Variants in ABCC1 observed in about 807,000 individuals in gnomAD.
The protein encoded by ABCC1 is multidrug resistance-associated protein 1.
ABCC1 carries 83 observed loss-of-function variants against 172.9 expected under a neutral mutation model. That is an observed-to-expected ratio of 0.48 (90% CI 0.40 to 0.58). The LOEUF is 0.58. Ranked by LOEUF, ABCC1 falls within the 20% of genes least tolerant of loss-of-function variation. The pLI is 0.00. For missense variants in ABCC1, 1,817 were observed against 2,002.7 expected, an observed-to-expected ratio of 0.91 and a Z score of 1.77; for synonymous variants, 937 against 825.2, an observed-to-expected ratio of 1.14 and a Z score of -2.32.
chr16:16,045,880 A>T lies in ABCC1; in HGVS notation c.1085A>T (p.Gln362Leu). ...AATGACACGAAGGCCCCAGACTGGC[A>T]GGGCTACTTCTACACCGTGCTGCTG... ...FVNDTKAPDW[Q>L]GYFYTVLLFV... Residue 362 changes from glutamine to leucine, a missense_variant, in exon 9 of 31, where the codon CAG (glutamine) becomes CTG (leucine). Coordinates refer to ENST00000399410, the MANE Select transcript of ABCC1 (RefSeq NM_004996.4). The T allele has an allele frequency of 1.2e-6, 2 of 1,614,158 alleles. No individual in the cohort carries two copies. The highest frequency in any genetic ancestry group is 1.7e-6 in the Non-Finnish European group (2 of 1,180,018).
intron 24 of ABCC1, among the ~76,000 whole-genome samples, chr16:16,122,404 C>T (rs1257391173): frequency 6.6e-6 from 1 of 152,184 alleles, no homozygotes; most frequent in African/African-American, 2.4e-5. Flanking sequence ...CACAGCTCTT[C>T]TGGAGTCAGA....
chr16:16,046,039 G>A, intron 9 of ABCC1, 26 bp downstream of exon 9: 1 of 1,611,176 alleles, frequency 6.2e-7, no homozygotes, highest in Non-Finnish European at 8.5e-7. Context: ...CCATTGGCAT[G>A]TGGCCCGACT....
At chr16:16,140,229 G>C (rs2046077163) in intron 30 of ABCC1, among the ~76,000 whole-genome samples, 2 of 152,210 alleles carry the variant, frequency 1.3e-5, no homozygotes, top group South Asian at 4.1e-4. Flanking sequence ...AGGCCAGAAA[G>C]GTAGGCAGGG....
chr16:16,086,665 C>G (rs990309603), intron 17 of ABCC1, among the ~76,000 whole-genome samples, 159 bp from the exon 18 acceptor site: 2 of 152,092 alleles, frequency 1.3e-5, no homozygotes, highest in Admixed American at 6.6e-5. Context: ...GACAGGGTCT[C>G]CCTATATTGC....
At chr16:15,958,969 T>C (rs1040952836) in intron 1 of ABCC1, among the ~76,000 whole-genome samples, 5 of 152,176 alleles carry the variant, frequency 3.3e-5, no homozygotes, top group African/African-American at 1.2e-4. Flanking sequence ...CTCCTCTTGT[T>C]GTGACAACCG....
intron 5 of ABCC1, among the ~76,000 whole-genome samples, chr16:16,021,483 G>T (rs1465451142): frequency 1.3e-5 from 2 of 152,072 alleles, no homozygotes; most frequent in African/African-American, 2.4e-5. Context: ...TTGGGAGGCC[G>T]AGGCAGGTAG....
At chr16:15,999,780 T>C (rs866741582) in intron 1 of ABCC1, among the ~76,000 whole-genome samples, 47 of 26,672 alleles carry the variant, frequency 1.8e-3, no homozygotes, top group Non-Finnish European at 3.6e-3. Context: ...TCTCTCTCTC[T>C]CTCTCTCTCT....
rs148834444 is a variant in ABCC1 at position 15,982,803 on chromosome 16, C to CAAAAAAAAA, written c.49-25000_49-24992dup. ...TCTGGGCAACAGAGTGAGACGCTGT[C>CAAAAAAAAA]AAAAAAAAAAAAAAAAAAAAAGGAA... is the stretch of plus-strand genomic sequence containing the variant. On this transcript the variant is annotated intron_variant, in intron 1 of 30. Coordinates refer to ENST00000399410, the MANE Select transcript of ABCC1 (RefSeq NM_004996.4). 7.7e-3 allele frequency among the ~76,000 whole-genome samples: 334 copies of CAAAAAAAAA among 43,196 alleles called. 26 individuals are homozygous for CAAAAAAAAA. Among genetic ancestry groups the CAAAAAAAAA allele is most frequent in the African/African-American group, 0.026 (307 of 11,916 alleles). The allele number at this position is 43,196 out of a possible 152,430, so 28.3% of individuals were successfully genotyped here.
chr16:16,048,188 A>G lies in ABCC1; in HGVS notation c.1265A>G (p.Glu422Gly), dbSNP rs543197774. ...NSARKSSTVG[E>G]IVNLMSVDAQ... ...GCCAGAAAATCCTCCACGGTCGGGGAGATTGTCAACCTCATGTCTGTGGAC... is the reference window on the plus strand; with the variant it reads ...GCCAGAAAATCCTCCACGGTCGGGGGGATTGTCAACCTCATGTCTGTGGAC... Residue 422 changes from glutamate (E) to glycine (G), a missense_variant, in exon 10 of 31, where the codon GAG becomes GGG. Physicochemically the swap from Glu to Gly is moderately conservative, Grantham distance 98. This residue lies in a region of ABCC1 where 1,412 missense variants were observed against 1,600.3 expected (regional missense o/e 0.88). Coordinates refer to ENST00000399410, the MANE Select transcript of ABCC1 (RefSeq NM_004996.4). 1 of 1,614,072 alleles carries G rather than the reference A, an allele frequency of 6.2e-7. No individual in the cohort carries two copies.
intron 22 of ABCC1, among the ~76,000 whole-genome samples, chr16:16,114,515 A>G (rs2044759883): frequency 6.6e-6 from 1 of 151,804 alleles, no homozygotes; most frequent in East Asian, 1.9e-4. Context: ...TAATTTTTGT[A>G]TTTTTAGGAG....
chr16:16,029,926 T>C (rs1310780509), intron 5 of ABCC1, among the ~76,000 whole-genome samples: 1 of 152,176 alleles, frequency 6.6e-6, no homozygotes, highest in Non-Finnish European at 1.5e-5. Flanking sequence ...CAGTAATCCA[T>C]TGTGTTTGTA....
chr16:16,120,195 C>T (rs1051960392), intron 23 of ABCC1, among the ~76,000 whole-genome samples: 2 of 151,600 alleles, frequency 1.3e-5, no homozygotes, highest in Admixed American at 1.3e-4. Context: ...GCCCAGTACA[C>T]CTGGCCCAGG....
chr16:16,016,149 GTTTTTTTT>G (rs71137903), intron 4 of ABCC1, among the ~76,000 whole-genome samples: 1 of 84,276 alleles, frequency 1.2e-5, no homozygotes, highest in Non-Finnish European at 2.1e-5. Context: ...TGTGATCTTG[GTTTTTTTT>G]TTTTTTTTTT....
At chr16:16,103,895 C>T (rs1379441721) in intron 20 of ABCC1, among the ~76,000 whole-genome samples, 1 of 152,136 alleles carries the variant, frequency 6.6e-6, no homozygotes, top group Non-Finnish European at 1.5e-5. Context: ...TGTTACAGTT[C>T]TTAAAGGTGG....
At chr16:16,028,558 G>A (rs79314289) in intron 5 of ABCC1, among the ~76,000 whole-genome samples, 2,256 of 152,138 alleles carry the variant, frequency 0.015, 73 homozygotes, top group African/African-American at 0.052. Context: ...TAACCCACCC[G>A]CCGACTGTGG....
At chr16:16,025,047 T>TG (rs2048326654) in intron 5 of ABCC1, among the ~76,000 whole-genome samples, 1 of 152,082 alleles carries the variant, frequency 6.6e-6, no homozygotes, top group Non-Finnish European at 1.5e-5. Context: ...GCAAAGGGCA[T>TG]GGGCAAAGAT....
intron 1 of ABCC1, among the ~76,000 whole-genome samples, chr16:15,963,153 T>C (rs2151506958): frequency 6.6e-6 from 1 of 152,350 alleles, no homozygotes; most frequent in Non-Finnish European, 1.5e-5. Context: ...AGGCCAGTCA[T>C]AAAACTTTCA....
At chr16:16,012,095 C>T (rs1188275057) in intron 3 of ABCC1, among the ~76,000 whole-genome samples, 1 of 152,206 alleles carries the variant, frequency 6.6e-6, no homozygotes, top group African/African-American at 2.4e-5. Context: ...AGCCACCATG[C>T]CCTGCCCAGA....
intron 22 of ABCC1, 63 bp from the exon 23 acceptor site, chr16:16,114,703 T>C: frequency 6.7e-7 from 1 of 1,497,810 alleles, no homozygotes; most frequent in Non-Finnish European, 9.0e-7. Context: ...TGGCCACTCC[T>C]CCCTGCAGTG....
Sources: allele counts gnomAD v4.1 joint callset (sites outside exome capture counted in the v4.1 genomes callset), GRCh38; gene constraint gnomAD v4.1.1; regional missense constraint gnomAD v4.1.1; transcripts MANE v1.5; gene names NCBI Gene and HGNC (gene_info 2026-07-23, HGNC 2026-07-21).